IMPG1: variants seen among roughly 807,000 people sequenced by gnomAD.
IMPG1 encodes interphotoreceptor matrix proteoglycan 1.
Under a neutral mutation model 92.0 loss-of-function variants are expected in IMPG1, and 85 were observed. The ratio of observed to expected loss-of-function variants is 0.92; its 90% CI spans 0.78 to 1.11. The LOEUF is 1.11. IMPG1 is among the 50% of genes least tolerant of loss of function. IMPG1 has a pLI of 0.00. For missense variants in IMPG1, 1,022 were observed against 956.0 expected (o/e 1.07, Z -0.91); for synonymous variants, 367 against 334.1 (o/e 1.10, Z -1.08).
rs1782011848 is a variant in IMPG1, at chr6:75,950,723, CT to C, written c.1662del (p.Ala555LeufsTer10). 6.2e-7 allele frequency: 1 copy of C among 1,613,904 alleles called. No homozygotes were observed. Among genetic ancestry groups the C allele is most frequent in the Admixed American group, 1.7e-5 (1 of 59,964 alleles). On this transcript the variant is annotated frameshift_variant, in exon 13 of 17. Coordinates refer to ENST00000369950, the MANE Select transcript of IMPG1 (RefSeq NM_001563.4). LOFTEE classifies it high-confidence loss of function. ...DHFLEDTTPV[S>X]ALQYITTSSM... ...GAACTAGTGGTGATATACTGTAAAG[CT>C]GAGACAGGAGTGGTATCCTCCAAGA...
At chr6:76,012,961 C>T (rs190429619) in intron 7 of IMPG1, among the ~76,000 whole-genome samples, 89 of 152,144 alleles carry the variant, frequency 5.8e-4, no homozygotes, top group Middle Eastern at 3.4e-3. Flanking sequence ...ATGCAGCCAC[C>T]GACTCTGGTT....
chr6:76,052,604 A>G (rs955203041), intron 1 of IMPG1, among the ~76,000 whole-genome samples: 25 of 152,080 alleles, frequency 1.6e-4, no homozygotes, highest in African/African-American at 5.8e-4. Flanking sequence ...GTTGTGAGAA[A>G]CCATAGGATC....
At chr6:75,993,156 G>A (rs1001699805) in intron 12 of IMPG1, among the ~76,000 whole-genome samples, 2 of 152,002 alleles carry the variant, frequency 1.3e-5, no homozygotes, top group Admixed American at 1.3e-4. Context: ...TTGTTAATTA[G>A]TTATTAACAA....
intron 2 of IMPG1, among the ~76,000 whole-genome samples, chr6:76,040,662 G>C (rs1282248344): frequency 1.3e-5 from 2 of 152,134 alleles, no homozygotes; most frequent in South Asian, 4.1e-4. Flanking sequence ...TGATCCAGTA[G>C]TTTTCACTTT....
At chr6:75,959,942 G>A (rs1782188956) in intron 12 of IMPG1, among the ~76,000 whole-genome samples, 1 of 152,170 alleles carries the variant, frequency 6.6e-6, no homozygotes, top group African/African-American at 2.4e-5. Context: ...CTAGCTCAGT[G>A]TCTGCTCAAA....
intron 13 of IMPG1, among the ~76,000 whole-genome samples, chr6:75,949,686 G>T (rs1266693143): frequency 1.3e-5 from 2 of 152,120 alleles, no homozygotes; most frequent in Admixed American, 6.6e-5. Flanking sequence ...GGTTCACAGG[G>T]ACTCTGTTCC....
chr6:75,973,084 C>G (rs1369775715), intron 12 of IMPG1, among the ~76,000 whole-genome samples: 1 of 152,156 alleles, frequency 6.6e-6, no homozygotes, highest in Non-Finnish European at 1.5e-5. Context: ...CTCGAGTGAT[C>G]CTTCTGACTC....
intron 1 of IMPG1, among the ~76,000 whole-genome samples, chr6:76,048,040 C>A (rs1173271080): frequency 6.6e-6 from 1 of 152,100 alleles, no homozygotes; most frequent in Non-Finnish European, 1.5e-5. Flanking sequence ...TCAATGGGAC[C>A]AATTAAATAT....
At chr6:76,017,844 C>G (rs1437047147) in intron 7 of IMPG1, among the ~76,000 whole-genome samples, 1 of 152,224 alleles carries the variant, frequency 6.6e-6, no homozygotes, top group Non-Finnish European at 1.5e-5. Flanking sequence ...CCTCTGCCCC[C>G]CGGGTTCAAG....
intron 12 of IMPG1, among the ~76,000 whole-genome samples, chr6:75,967,268 G>A (rs1490025044): frequency 6.6e-6 from 1 of 152,160 alleles, no homozygotes; most frequent in Non-Finnish European, 1.5e-5. Flanking sequence ...GCTATGGTCT[G>A]AATGTTTGTA....
At position 75,947,396 on chromosome 6, in the gene IMPG1, G is replaced by A. The variant is rs754657889; in HGVS notation, c.1962C>T (p.His654=). The part of the protein sequence containing the change: ...SVPYNLTKAV[H]GVLEDFRSAA... Reference sequence around the variant, plus strand: ...CAGAACGAAAATCCTCCAAGACCCCGTGCACAGCCTTGGTGAGGTTATACG... The same window carrying A: ...CAGAACGAAAATCCTCCAAGACCCCATGCACAGCCTTGGTGAGGTTATACG... The change falls in exon 14 of 17, where the codon CAC becomes CAT. Residue 654 remains histidine (H), a synonymous_variant. Coordinates refer to ENST00000369950, the MANE Select transcript of IMPG1 (RefSeq NM_001563.4). 1.3e-5 allele frequency: 21 copies of A among 1,613,764 alleles called. No individual in the cohort carries two copies. In the South Asian group the frequency reaches 1.3e-4, roughly 10 times the overall value.
chr6:75,992,644 C>A (rs1344403594), intron 12 of IMPG1, among the ~76,000 whole-genome samples: 1 of 152,130 alleles, frequency 6.6e-6, no homozygotes, highest in Non-Finnish European at 1.5e-5. Flanking sequence ...TTCCCTAAGC[C>A]CCATTTTCAT....
intron 6 of IMPG1, 88 bp from the exon 7 acceptor site, chr6:76,018,946 A>C: frequency 8.1e-7 from 1 of 1,241,626 alleles, no homozygotes. Context: ...ATACTGTCTC[A>C]AGAAGTGGAT....
In IMPG1 at chr6:75,921,455, T is replaced by C. The variant is rs1255203580; in HGVS notation, c.*634A>G. ...AAGATTTTTCCATGGTATGTGTATC[T>C]GAACCTCAGTTTCTTTTAAAGAACA... On this transcript the variant is annotated 3_prime_UTR_variant, in exon 17 of 17. Coordinates refer to ENST00000369950, the MANE Select transcript of IMPG1 (RefSeq NM_001563.4). The C allele has an allele frequency of 6.6e-6, 1 of 152,600 alleles. No individual in the cohort carries two copies. Among genetic ancestry groups the C allele is most frequent in the African/African-American group, 2.4e-5 (1 of 41,462 alleles). The allele number at this position is 152,600 out of a possible 1,614,324, so 9.5% of individuals were successfully genotyped here.
At chr6:75,959,122 T>C (rs1353876174) in intron 12 of IMPG1, among the ~76,000 whole-genome samples, 2 of 152,314 alleles carry the variant, frequency 1.3e-5, no homozygotes, top group East Asian at 1.9e-4. Flanking sequence ...GTTTTCCTTT[T>C]AACAGTCAGG....
At chr6:75,971,237 A>G (rs1395648484) in intron 12 of IMPG1, among the ~76,000 whole-genome samples, 1 of 149,130 alleles carries the variant, frequency 6.7e-6, no homozygotes, top group Non-Finnish European at 1.5e-5. Flanking sequence ...CAAACACCGC[A>G]TGTTCTCACT....
intron 12 of IMPG1, among the ~76,000 whole-genome samples, chr6:75,979,672 G>T (rs1782596677): frequency 6.6e-6 from 1 of 152,180 alleles, no homozygotes; most frequent in Admixed American, 6.5e-5. Flanking sequence ...AAGGAGTCCA[G>T]ATATTCATTT....
intron 12 of IMPG1, among the ~76,000 whole-genome samples, chr6:75,964,763 C>A (rs1782277308): frequency 6.6e-6 from 1 of 151,250 alleles, no homozygotes; most frequent in Non-Finnish European, 1.5e-5. Context: ...TAACATCCTG[C>A]AAAACTATAG....
intron 12 of IMPG1, among the ~76,000 whole-genome samples, chr6:75,952,750 G>A (rs1031600252): frequency 2.6e-5 from 4 of 152,064 alleles, no homozygotes; most frequent in Admixed American, 6.6e-5. Context: ...CTCATGAATG[G>A]AATTACTGGT....
Sources: gnomAD v4.1 joint callset for allele counts (sites outside exome capture counted in the v4.1 genomes callset) on GRCh38, gnomAD v4.1.1 for gene constraint, MANE v1.5 for transcripts, NCBI Gene and HGNC (gene_info 2026-07-23, HGNC 2026-07-21) for gene names.